The following MAPK10 variants were observed in gnomAD, a reference collection of about 807,000 sequenced individuals.
The protein encoded by MAPK10 is JNK3 alpha protein kinase.
In MAPK10, 25 loss-of-function variants were observed where a neutral mutation model predicts 59.3. The observed-to-expected ratio is 0.42, with a 90% CI of 0.31 to 0.59. The LOEUF is 0.59. Ranked by LOEUF, MAPK10 falls within the 20% of genes least tolerant of loss-of-function variation. The pLI, the probability that MAPK10 is intolerant of heterozygous loss-of-function variation, is 0.15. For missense variants in MAPK10, 351 were observed against 568.9 expected (o/e 0.62, Z 3.90); for synonymous variants, 190 against 200.5 (o/e 0.95, Z 0.44).
chr4:86,211,306 CAA>C lies in MAPK10; in HGVS notation c.-6-16901_-6-16900del, dbSNP rs548028656. ...AAATTAAAATGTTGAAAGCCAAAGA[CAA>C]AGAGAGAATATTGAAAGCAGTGAGA... On this transcript the variant is annotated intron_variant, in intron 2 of 13. Transcript: ENST00000641462. Among the ~76,000 whole-genome samples, 530 of 152,016 alleles carry C rather than the reference CAA, an allele frequency of 3.5e-3. 4 individuals are homozygous for C. Among genetic ancestry groups the C allele is most frequent in the African/African-American group, 0.012 (504 of 41,508 alleles).
chr4:86,328,967 A>G (rs1229601162), intron 2 of MAPK10, among the ~76,000 whole-genome samples: 1 of 152,128 alleles, frequency 6.6e-6, no homozygotes, highest in Non-Finnish European at 1.5e-5. Context: ...ATGTGTACCT[A>G]TATAACAAAC....
chr4:86,366,542 C>T (rs139134330), intron 1 of MAPK10, among the ~76,000 whole-genome samples: 1,526 of 152,080 alleles, frequency 0.01, 6 homozygotes, highest in Non-Finnish European at 0.015. Flanking sequence ...CCCAAGCAGC[C>T]ACAGCAATAG....
At chr4:86,293,820 A>G (rs1333330916) in intron 2 of MAPK10, among the ~76,000 whole-genome samples, 2 of 152,192 alleles carry the variant, frequency 1.3e-5, no homozygotes, top group Non-Finnish European at 2.9e-5. Context: ...TATCAAGAGG[A>G]CAGCACCAAG....
chr4:86,489,644 G>C (rs1754304397), intron 1 of MAPK10, among the ~76,000 whole-genome samples: 1 of 152,096 alleles, frequency 6.6e-6, no homozygotes, highest in Admixed American at 6.6e-5. Context: ...AGAATTCATG[G>C]GTTTGTCCCT....
At chr4:86,398,774 G>A (rs1743304839) in intron 1 of MAPK10, among the ~76,000 whole-genome samples, 1 of 152,108 alleles carries the variant, frequency 6.6e-6, no homozygotes, top group South Asian at 2.1e-4. Context: ...CTCCCTGACA[G>A]TAGTCCCCAG....
At chr4:86,232,029 C>A (rs537475534) in intron 2 of MAPK10, among the ~76,000 whole-genome samples, 1 of 152,298 alleles carries the variant, frequency 6.6e-6, no homozygotes, top group African/African-American at 2.4e-5. Context: ...CAAACCTTGT[C>A]TGTAAAAAGT....
chr4:86,286,431 AT>A (rs1196888076), intron 2 of MAPK10, among the ~76,000 whole-genome samples: 4 of 152,142 alleles, frequency 2.6e-5, no homozygotes, highest in Non-Finnish European at 4.4e-5. Context: ...AATAATAATA[AT>A]TACAAATAAC....
chr4:86,391,375 G>A (rs1051127500), intron 1 of MAPK10, among the ~76,000 whole-genome samples: 3 of 152,114 alleles, frequency 2.0e-5, no homozygotes, highest in Non-Finnish European at 2.9e-5. Context: ...TTTACCTTGT[G>A]GTCATACAAG....
intron 2 of MAPK10, among the ~76,000 whole-genome samples, chr4:86,214,626 C>T (rs1268756703): frequency 6.8e-6 from 1 of 147,676 alleles, no homozygotes; most frequent in African/African-American, 2.5e-5. Context: ...TAACAATGAA[C>T]AATCTGAAAA....
chr4:86,562,271 C>T (rs1760736688), intron 1 of MAPK10, among the ~76,000 whole-genome samples: 1 of 151,810 alleles, frequency 6.6e-6, no homozygotes, highest in Admixed American at 6.6e-5. Flanking sequence ...AGAGCAAGAG[C>T]CTATCAAAAA....
chr4:86,028,996 A>G (rs1751756373), intron 13 of MAPK10: 4 of 655,482 alleles, frequency 6.1e-6, no homozygotes, highest in Non-Finnish European at 5.6e-6. Context: ...TTTGTACTGG[A>G]TCATTACCAT....
intron 2 of MAPK10, among the ~76,000 whole-genome samples, chr4:86,224,630 T>C (rs1181448875): frequency 2.0e-5 from 3 of 152,302 alleles, no homozygotes; most frequent in East Asian, 3.9e-4. Flanking sequence ...GGTAGATATA[T>C]TGACGATCAA....
At chr4:86,362,561 C>T (rs1737182870), upstream of MAPK10, among the ~76,000 whole-genome samples, 1 of 151,908 alleles carries the variant, frequency 6.6e-6, no homozygotes, top group African/African-American at 2.4e-5. Context: ...ACACACAAAT[C>T]CTAGATTATA....
chr4:86,250,143 G>A (rs2148709906), intron 2 of MAPK10, among the ~76,000 whole-genome samples: 1 of 152,246 alleles, frequency 6.6e-6, no homozygotes, highest in African/African-American at 2.4e-5. Context: ...GAATAGTCCA[G>A]CTAGACTCAT....
chr4:86,478,563 T>G (rs1045617912), intron 1 of MAPK10, among the ~76,000 whole-genome samples: 12 of 152,304 alleles, frequency 7.9e-5, no homozygotes, highest in Non-Finnish European at 1.6e-4. Flanking sequence ...CACATATACT[T>G]TCTGCTCCCC....
Position 86,548,462 on chromosome 4 carries a change from G to C in MAPK10, c.-263+45448C>G, listed in dbSNP as rs554908192. Among the ~76,000 whole-genome samples the C allele has an allele frequency of 3.3e-4, 50 of 152,258 alleles. No individual in the cohort carries two copies. The South Asian group carries it at 0.01, about 31-fold the overall frequency. ...GGACACAATAGTAGATAACTGCTAT[G>C]GTTTGGATCTCTGTCCCCACTAAAT... On this transcript the variant is annotated intron_variant, in intron 1 of 4. Transcript: ENST00000502302.
chr4:86,188,776 T>A (rs1489649451), intron 3 of MAPK10, among the ~76,000 whole-genome samples: 1 of 152,236 alleles, frequency 6.6e-6, no homozygotes, highest in Non-Finnish European at 1.5e-5. Flanking sequence ...TTTTGGCTTT[T>A]GTTGCCATTG....
intron 1 of MAPK10, among the ~76,000 whole-genome samples, chr4:86,536,231 C>T (rs1435781657): frequency 1.3e-5 from 2 of 152,200 alleles, no homozygotes; most frequent in Admixed American, 6.5e-5. Context: ...ATACTTATAA[C>T]AGTAAATATG....
At chr4:86,379,918 C>G (rs1309367695) in intron 1 of MAPK10, among the ~76,000 whole-genome samples, 1 of 152,036 alleles carries the variant, frequency 6.6e-6, no homozygotes, top group Non-Finnish European at 1.5e-5. Context: ...CCGAGCTGGT[C>G]TTGCACTTTT....
Sources: allele counts gnomAD v4.1 joint callset (sites outside exome capture counted in the v4.1 genomes callset), GRCh38; gene constraint gnomAD v4.1.1; transcripts MANE v1.5; gene names NCBI Gene and HGNC (gene_info 2026-07-23, HGNC 2026-07-21).